The following CENPU variants were observed in gnomAD, a reference collection of about 807,000 sequenced individuals.
CENPU encodes the protein centromere protein U.
A neutral mutation model predicts 56.7 loss-of-function variants in CENPU; 46 were observed. That is an observed-to-expected ratio of 0.81 (90% CI 0.64 to 1.04). The LOEUF (loss-of-function observed/expected upper bound fraction) is 1.04, where lower values mean the gene tolerates loss of function less well. CENPU is among the 50% of genes least tolerant of loss of function. The probability of loss-of-function intolerance (pLI) is 0.00; values close to 1 mark genes in which losing one functional copy is unlikely to be tolerated. For synonymous variants in CENPU, 166 were observed against 163.0 expected (o/e 1.02, Z -0.14); for missense variants, 510 against 490.1 (o/e 1.04, Z -0.38).
chr4:184,714,901 AAAAC>A (rs1761038353), intron 6 of CENPU, among the ~76,000 whole-genome samples: 1 of 145,762 alleles, frequency 6.9e-6, no homozygotes, highest in African/African-American at 2.6e-5. Context: ...CACCAAAAAC[AAAAC>A]AGTAAGTAAG....
intron 6 of CENPU, among the ~76,000 whole-genome samples, chr4:184,715,936 TG>T (rs869057580): frequency 3.9e-4 from 47 of 120,740 alleles, no homozygotes; most frequent in African/African-American, 1.7e-3. Context: ...GCTTTTTTTT[TG>T]TTTTTTTTTT....
At chr4:184,701,315 T>C (rs766451612) in intron 10 of CENPU, among the ~76,000 whole-genome samples, 7 of 152,202 alleles carry the variant, frequency 4.6e-5, no homozygotes, top group Non-Finnish European at 1.0e-4. Context: ...TAATTCTCCA[T>C]TGTTAGACAT....
chr4:184,697,820 T>C lies in CENPU; in HGVS notation c.987-17A>G. 1 of 1,580,286 alleles carries C rather than the reference T, an allele frequency of 6.3e-7. No individual in the cohort carries two copies. Among genetic ancestry groups the C allele is most frequent in the Non-Finnish European group, 8.6e-7 (1 of 1,167,228 alleles). ...GGCTCTAACCTAAAACAAAAATAAG[T>C]GACAAATAATAAAATGTACCAGCCT... On this transcript the variant is annotated splice_polypyrimidine_tract_variant and intron_variant, in intron 11 of 12. Transcript: ENST00000281453.
rs1760149527 is a variant in CENPU at position 184,694,757 on chromosome 4, T to TTA, written c.*529_*530dup. 6.2e-7 allele frequency: 1 copy of TTA among 1,611,504 alleles called. No homozygotes were observed. Among genetic ancestry groups the TTA allele is most frequent in the Admixed American group, 1.7e-5 (1 of 59,978 alleles). Reference sequence around the variant, plus strand: ...GTGGATGAAATTCCTGATGAACTAATTATAGAAGTATTACAAGAGTAACTA... The same window carrying TTA: ...GTGGATGAAATTCCTGATGAACTAATTATATAGAAGTATTACAAGAGTAACTA... On this transcript the variant is annotated 3_prime_UTR_variant, in exon 13 of 13. Transcript: ENST00000281453.
chr4:184,732,259 AGTT>A (rs1253708368), intron 1 of CENPU, among the ~76,000 whole-genome samples: 1 of 151,426 alleles, frequency 6.6e-6, no homozygotes, highest in Non-Finnish European at 1.5e-5. Context: ...AAAAAAAAAA[AGTT>A]AGAAAACTGT....
intron 7 of CENPU, among the ~76,000 whole-genome samples, chr4:184,710,940 C>T (rs1368453871): frequency 3.3e-5 from 5 of 152,152 alleles, no homozygotes; most frequent in Admixed American, 6.5e-5. Context: ...ATTACAGCCT[C>T]GAAGTCCTAG....
chr4:184,697,531 G>T, intron 12 of CENPU, 116 bp downstream of exon 12: 2 of 929,370 alleles, frequency 2.2e-6, no homozygotes, highest in Non-Finnish European at 3.3e-6. Context: ...ATTTTAGGTG[G>T]ACTCTGTAAT....
intron 12 of CENPU, among the ~76,000 whole-genome samples, chr4:184,696,579 T>C (rs1397132111): frequency 6.6e-6 from 1 of 152,134 alleles, no homozygotes; most frequent in African/African-American, 2.4e-5. Context: ...GGATCTCTAA[T>C]ATATACACAA....
intron 11 of CENPU, among the ~76,000 whole-genome samples, chr4:184,698,743 G>T (rs1306355103): frequency 6.6e-6 from 1 of 152,142 alleles, no homozygotes; most frequent in African/African-American, 2.4e-5. Context: ...GCCAGGAAAA[G>T]TCTTCTTTAA....
At chr4:184,697,219 C>T (rs7683615) in intron 12 of CENPU, among the ~76,000 whole-genome samples, 27,227 of 151,996 alleles carry the variant, frequency 0.18, 2,750 homozygotes, top group African/African-American at 0.27. Flanking sequence ...ACCACTTATA[C>T]GGGAAAATAG....
intron 4 of CENPU, among the ~76,000 whole-genome samples, chr4:184,723,217 G>A (rs1428595829): frequency 6.6e-6 from 1 of 152,170 alleles, no homozygotes; most frequent in African/African-American, 2.4e-5. Flanking sequence ...TCTCTAAGAT[G>A]TAGTAAGTGA....
rs745603253 is a variant in CENPU, at chr4:184,717,031, T to C, written c.381+105A>G. 8.3e-6 allele frequency: 6 copies of C among 727,252 alleles called. No individual in the cohort carries two copies. The Admixed American group carries it at 1.0e-4, about 13-fold the overall frequency. The allele number at this position is 727,252 out of a possible 1,614,324, so 45.0% of individuals were successfully genotyped here. ...CTACGGAATGTTTTCTCTATTTGCATCCAATCTAAAGAGGAAATGAAATAT... is the reference window on the plus strand; with the variant it reads ...CTACGGAATGTTTTCTCTATTTGCACCCAATCTAAAGAGGAAATGAAATAT... On this transcript the variant is annotated intron_variant, in intron 5 of 12. Coordinates refer to ENST00000281453, the MANE Select transcript of CENPU (RefSeq NM_024629.4).
In CENPU at chr4:184,694,602, G is replaced by A. The variant is rs745825452; in HGVS notation, c.*686C>T. ...ATCCTCATAAACCATCACCTAGCAG[G>A]CTGTCAACAGGTGCATCTGCTGATG... On this transcript the variant is annotated 3_prime_UTR_variant, in exon 13 of 13. Coordinates refer to ENST00000281453, the MANE Select transcript of CENPU (RefSeq NM_024629.4). 3 of 1,614,088 alleles carry A rather than the reference G, an allele frequency of 1.9e-6. No homozygotes were observed. The highest frequency in any genetic ancestry group is 2.2e-5 in the South Asian group (2 of 91,082).
chr4:184,709,422 G>C (rs1057317723), intron 8 of CENPU, among the ~76,000 whole-genome samples: 3 of 151,342 alleles, frequency 2.0e-5, no homozygotes, highest in Admixed American at 6.6e-5. Context: ...GGGAGGTGGA[G>C]GTTTCAGTGA....
At chr4:184,701,226 G>A (rs978668357) in intron 10 of CENPU, among the ~76,000 whole-genome samples, 1 of 152,136 alleles carries the variant, frequency 6.6e-6, no homozygotes, top group Non-Finnish European at 1.5e-5. Context: ...GCAGGGGAGT[G>A]TTGTGATCCA....
intron 6 of CENPU, among the ~76,000 whole-genome samples, chr4:184,714,784 T>C (rs980447184): frequency 6.6e-6 from 1 of 152,194 alleles, no homozygotes; most frequent in Admixed American, 6.5e-5. Flanking sequence ...ATGGTAGATG[T>C]AAACCTCACC....
Position 184,697,721 on chromosome 4 carries a change from A to G in CENPU, c.1069T>C (p.Phe357Leu). ...RKSSLRNAAYFLSNLKQLYQD... is the reference protein window; with the variant it reads ...RKSSLRNAAYLLSNLKQLYQD... ...TAAAGCTGTTTTAAATTAGATAAGA[A>G]ATATGCTGCATTCCTAAGGGAAGAC... Residue 357 changes from phenylalanine to leucine, a missense_variant, in exon 12 of 13, where the codon TTC (phenylalanine) becomes CTC (leucine). Physicochemically the swap from Phe to Leu is conservative, Grantham distance 22. Coordinates refer to ENST00000281453, the MANE Select transcript of CENPU (RefSeq NM_024629.4). The G allele has an allele frequency of 6.2e-7, 1 of 1,612,492 alleles. No individual in the cohort carries two copies.
At chr4:184,702,607 A>G in intron 8 of CENPU, 166 bp from the exon 9 acceptor site, 1 of 500,440 alleles carries the variant, frequency 2.0e-6, no homozygotes, top group Middle Eastern at 5.5e-4. Context: ...TTTTAGATTA[A>G]GGGGTTTGTT....
chr4:184,718,042 C>T, intron 4 of CENPU, among the ~76,000 whole-genome samples: 1 of 152,170 alleles, frequency 6.6e-6, no homozygotes, highest in East Asian at 1.9e-4. Context: ...GACTGACGGG[C>T]TGCAGGGCAC....
Sources: allele counts gnomAD v4.1 joint callset (sites outside exome capture counted in the v4.1 genomes callset), GRCh38; gene constraint gnomAD v4.1.1; transcripts MANE v1.5; gene names NCBI Gene and HGNC (gene_info 2026-07-23, HGNC 2026-07-21).